Variants in CTNNA2 observed in about 807,000 individuals in gnomAD.
The protein encoded by CTNNA2 is catenin alpha-2.
Under a neutral mutation model 101.0 loss-of-function variants are expected in CTNNA2, and 42 were observed. That is an observed-to-expected ratio of 0.42 (90% CI 0.32 to 0.54). The LOEUF is 0.54. Ranked by LOEUF, CTNNA2 falls within the 20% of genes least tolerant of loss-of-function variation. The probability of loss-of-function intolerance (pLI) is 0.14; values close to 1 mark genes in which losing one functional copy is unlikely to be tolerated. For missense variants in CTNNA2, 871 were observed against 1,223.1 expected, an observed-to-expected ratio of 0.71 and a Z score of 4.29; for synonymous variants, 450 against 456.4, an observed-to-expected ratio of 0.99 and a Z score of 0.18.
chr2:79,349,289 G>T (rs1434181), intron 3 of CTNNA2, among the ~76,000 whole-genome samples: 54,411 of 151,980 alleles, frequency 0.36, 10,026 homozygotes, highest in Admixed American at 0.44. Flanking sequence ...TAGTTATTAG[G>T]TATCTCTTAT....
At chr2:79,751,593 CAAA>C (rs397985098) in intron 3 of CTNNA2, among the ~76,000 whole-genome samples, 2,116 of 69,012 alleles carry the variant, frequency 0.031, 36 homozygotes, top group African/African-American at 0.097. Flanking sequence ...GACTCCATCT[CAAA>C]AAAAAAAAAA....
chr2:80,299,083 G>T (rs1573632056), intron 7 of CTNNA2: 1 of 152,048 alleles, frequency 6.6e-6, no homozygotes, highest in Admixed American at 6.6e-5. Flanking sequence ...GCAAATGGAG[G>T]GTCAATCCAT....
At chr2:80,292,833 A>T (rs1245701943) in intron 7 of CTNNA2, among the ~76,000 whole-genome samples, 2 of 152,194 alleles carry the variant, frequency 1.3e-5, no homozygotes, top group Non-Finnish European at 2.9e-5. Flanking sequence ...AAAGCATCTG[A>T]GTGATATGTT....
At chr2:80,115,685 G>T (rs1184016354) in intron 7 of CTNNA2, among the ~76,000 whole-genome samples, 3 of 152,176 alleles carry the variant, frequency 2.0e-5, no homozygotes, top group African/African-American at 4.8e-5. Flanking sequence ...CTTGTAGTAT[G>T]CTGTGTCCTG....
chr2:79,397,274 A>C (rs1329809644), intron 4 of CTNNA2, among the ~76,000 whole-genome samples: 1 of 152,148 alleles, frequency 6.6e-6, no homozygotes, highest in African/African-American at 2.4e-5. Context: ...ATTATCATTA[A>C]CTATAATTTC....
chr2:80,334,188 G>T (rs1308136323), intron 7 of CTNNA2, among the ~76,000 whole-genome samples: 2 of 152,078 alleles, frequency 1.3e-5, no homozygotes, highest in East Asian at 3.9e-4. Context: ...GTTATCTCTG[G>T]CCTGGATCTC....
chr2:80,355,529 C>T (rs1271499170), intron 7 of CTNNA2, among the ~76,000 whole-genome samples: 9 of 152,098 alleles, frequency 5.9e-5, no homozygotes, highest in Admixed American at 5.9e-4. Context: ...CAACTTCTTG[C>T]TATGTAAGAA....
chr2:79,484,310 C>T (rs764867702), intron 4 of CTNNA2, among the ~76,000 whole-genome samples: 6 of 151,980 alleles, frequency 3.9e-5, no homozygotes, highest in Non-Finnish European at 5.9e-5. Flanking sequence ...TTGTTTAGAA[C>T]GAGTGGCTGA....
intron 7 of CTNNA2, among the ~76,000 whole-genome samples, chr2:80,112,273 T>C (rs559314911): frequency 6.6e-6 from 1 of 152,222 alleles, no homozygotes; most frequent in Non-Finnish European, 1.5e-5. Flanking sequence ...TGTGAAATTA[T>C]ATTAAATTGA....
intron 7 of CTNNA2, among the ~76,000 whole-genome samples, chr2:79,953,240 G>A (rs1434400028): frequency 2.6e-5 from 4 of 151,982 alleles, no homozygotes; most frequent in Non-Finnish European, 2.9e-5. Context: ...CCCTTCTTAC[G>A]TTTGGCACCT....
chr2:80,524,634 C>G (rs773644424), intron 9 of CTNNA2, among the ~76,000 whole-genome samples: 6 of 152,156 alleles, frequency 3.9e-5, no homozygotes, highest in Non-Finnish European at 8.8e-5. Flanking sequence ...CACATTCTTT[C>G]TTCTTCCCTA....
chr2:79,310,753 A>G (rs1256219858), intron 2 of CTNNA2, among the ~76,000 whole-genome samples: 2 of 152,254 alleles, frequency 1.3e-5, no homozygotes, highest in Non-Finnish European at 2.9e-5. Flanking sequence ...AAAGTGGAAG[A>G]GAGACTGGGG....
chr2:80,186,703 C>T lies in CTNNA2; in HGVS notation c.1057-206508C>T, dbSNP rs1026837026. On this transcript the variant is annotated intron_variant, in intron 7 of 18. Coordinates refer to ENST00000402739, the MANE Select transcript of CTNNA2 (RefSeq NM_001282597.3). ...TTGATCGTTCATACCTCTTTGATGC[C>T]AAGCCCACTTCTTTATAGTTCTTAT... Among the ~76,000 whole-genome samples, 4 of 152,144 alleles carry T rather than the reference C, an allele frequency of 2.6e-5. No homozygotes were observed. The East Asian group carries it at 5.8e-4, about 22-fold the overall frequency.
chr2:80,513,838 G>T (rs1688899473), intron 9 of CTNNA2, among the ~76,000 whole-genome samples: 1 of 152,154 alleles, frequency 6.6e-6, no homozygotes, highest in East Asian at 1.9e-4. Context: ...CCATAGGATA[G>T]TACCAGGGTT....
chr2:80,547,938 C>T (rs1310929024), intron 11 of CTNNA2, among the ~76,000 whole-genome samples: 3 of 152,166 alleles, frequency 2.0e-5, no homozygotes, highest in South Asian at 2.1e-4. Context: ...GTGATCCGCC[C>T]GCCTTGGTCT....
intron 7 of CTNNA2, among the ~76,000 whole-genome samples, chr2:80,068,411 A>C (rs1339252387): frequency 6.6e-6 from 1 of 152,244 alleles, no homozygotes; most frequent in Non-Finnish European, 1.5e-5. Context: ...GGAAACATGC[A>C]AATTGCTGAA....
intron 2 of CTNNA2, among the ~76,000 whole-genome samples, chr2:79,208,982 G>A (rs936645957): frequency 2.0e-5 from 3 of 151,974 alleles, no homozygotes; most frequent in Admixed American, 6.6e-5. Context: ...AGATGAAATG[G>A]CTGCATGATA....
chr2:80,195,345 C>T (rs927262957), intron 7 of CTNNA2, among the ~76,000 whole-genome samples: 31 of 151,990 alleles, frequency 2.0e-4, no homozygotes, highest in African/African-American at 6.3e-4. Flanking sequence ...GATTTTCATG[C>T]CTGGGGAAAA....
chr2:79,452,002 TGA>T (rs1180722197), intron 4 of CTNNA2, among the ~76,000 whole-genome samples: 1 of 152,046 alleles, frequency 6.6e-6, no homozygotes, highest in Non-Finnish European at 1.5e-5. Flanking sequence ...CCCAACAGTG[TGA>T]GGGAGTTTTG....
Sources: allele counts gnomAD v4.1 joint callset (sites outside exome capture counted in the v4.1 genomes callset), GRCh38; gene constraint gnomAD v4.1.1; transcripts MANE v1.5; gene names NCBI Gene and HGNC (gene_info 2026-07-23, HGNC 2026-07-21).